TCF4: variants seen among roughly 807,000 people sequenced by gnomAD.
The protein encoded by TCF4 is transcription factor 4, also known as SL3-3 enhancer factor 2.
Under a neutral mutation model 82.1 loss-of-function variants are expected in TCF4, and 3 were observed. That is an observed-to-expected ratio of 0.04 (90% CI 0.02 to 0.09). The LOEUF (loss-of-function observed/expected upper bound fraction) is 0.09. TCF4 is among the 10% of genes least tolerant of loss of function. The pLI is 1.00. For synonymous variants in TCF4, 276 were observed against 309.6 expected, an observed-to-expected ratio of 0.89 and a Z score of 1.14; for missense variants, 518 against 852.7, an observed-to-expected ratio of 0.61 and a Z score of 4.89.
chr18:55,464,626 A>G (rs1027915886), intron 3 of TCF4, among the ~76,000 whole-genome samples: 6 of 152,218 alleles, frequency 3.9e-5, no homozygotes, highest in Admixed American at 2.0e-4. Context: ...TGAGACTGAG[A>G]AAGTATTCAG....
chr18:55,333,168 TCAA>T (rs1272123856), intron 8 of TCF4, among the ~76,000 whole-genome samples: 1 of 152,180 alleles, frequency 6.6e-6, no homozygotes, highest in Non-Finnish European at 1.5e-5. Context: ...CTCATTGATA[TCAA>T]AGAGACACCT....
chr18:55,376,386 T>C (rs2090755727), intron 6 of TCF4, among the ~76,000 whole-genome samples: 1 of 152,152 alleles, frequency 6.6e-6, no homozygotes, highest in African/African-American at 2.4e-5. Flanking sequence ...TTTATCACAG[T>C]GCATTTTGAG....
chr18:55,244,377 CA>C (rs2052370207), intron 15 of TCF4, among the ~76,000 whole-genome samples: 1 of 152,100 alleles, frequency 6.6e-6, no homozygotes. Flanking sequence ...TTCAAACACC[CA>C]AAGGAGACTA....
chr18:55,498,548 C>T (rs1321577449), intron 3 of TCF4, among the ~76,000 whole-genome samples: 1 of 152,180 alleles, frequency 6.6e-6, no homozygotes, highest in Non-Finnish European at 1.5e-5. Context: ...GGGTCTACCA[C>T]AAGACTTCGC....
intron 3 of TCF4, among the ~76,000 whole-genome samples, chr18:55,554,000 A>G (rs1277504260): frequency 1.3e-5 from 2 of 152,130 alleles, no homozygotes; most frequent in African/African-American, 2.4e-5. Flanking sequence ...GAAAATACAT[A>G]AAGAAAAATT....
rs555514297 is a variant in TCF4 at position 55,464,196 on chromosome 18, T to A, written c.146-59A>T. On this transcript the variant is annotated intron_variant, in intron 3 of 19. Coordinates refer to ENST00000354452, the MANE Select transcript of TCF4 (RefSeq NM_001083962.2). ...TGCAGTAATTTTTTCTTTTTGTATA[T>A]GCACTTTCAAATTAATGTTTCAAAT... 159 of 1,421,744 alleles carry A rather than the reference T, an allele frequency of 1.1e-4. No homozygotes were observed. The African/African-American group carries it at 2.1e-3, about 18-fold the overall frequency. The allele number at this position is 1,421,744 out of a possible 1,614,324, so 88.1% of individuals were successfully genotyped here.
chr18:55,480,088 C>A lies in TCF4; in HGVS notation c.146-15951G>T, dbSNP rs536898617. On this transcript the variant is annotated intron_variant, in intron 3 of 19. Transcript: ENST00000354452. The stretch of plus-strand genomic sequence containing the variant: ...ATTCATTATCCATTCTTTCTCTTAA[C>A]CATTACCTTTTGAATACCATGAGCT... Among the ~76,000 whole-genome samples, 9 of 152,134 alleles carry A rather than the reference C, an allele frequency of 5.9e-5. No individual in the cohort carries two copies. In the South Asian group the frequency reaches 1.9e-3, roughly 32 times the overall value.
At chr18:55,573,135 C>CAG (rs1399332711) in intron 3 of TCF4, among the ~76,000 whole-genome samples, 7 of 152,006 alleles carry the variant, frequency 4.6e-5, no homozygotes, top group African/African-American at 1.7e-4. Context: ...ATTGCAAACT[C>CAG]AATCTAACTT....
At chr18:55,286,738 C>T (rs2063774733) in intron 8 of TCF4, among the ~76,000 whole-genome samples, 1 of 152,160 alleles carries the variant, frequency 6.6e-6, no homozygotes, top group Non-Finnish European at 1.5e-5. Flanking sequence ...ATTCACCTCA[C>T]ATATTTTCAG....
intron 15 of TCF4, among the ~76,000 whole-genome samples, chr18:55,245,833 C>A (rs1423386708): frequency 6.6e-6 from 1 of 151,062 alleles, no homozygotes; most frequent in Non-Finnish European, 1.5e-5. Flanking sequence ...TATAGTTAGA[C>A]CCATATTTGT....
rs1055588578 is a variant in TCF4, at chr18:55,223,412, T to A, written c.*4623A>T. 6.6e-6 allele frequency: 1 copy of A among 152,648 alleles called. No homozygotes were observed. The highest frequency in any genetic ancestry group is 2.4e-5 in the African/African-American group (1 of 41,460). 9.5% of individuals were successfully genotyped at this position (152,648 alleles called of 1,614,324 possible). A position where few individuals can be genotyped will look rare whatever the true frequency, so the allele number is the denominator to read the frequency against. ...CTTACAGAAGAGAATCATAGCTATA[T>A]GGACAATGCAAAATGAAATGAAACA... On this transcript the variant is annotated 3_prime_UTR_variant, in exon 20 of 20. Coordinates refer to ENST00000354452, the MANE Select transcript of TCF4 (RefSeq NM_001083962.2).
Position 55,511,330 on chromosome 18 carries a change from T to A in TCF4, c.146-47193A>T, listed in dbSNP as rs8089806. 3.4e-3 allele frequency among the ~76,000 whole-genome samples: 249 copies of A among 73,010 alleles called. 18 individuals carry two copies. In the East Asian group the frequency reaches 0.093, roughly 27 times the overall value. 47.9% of individuals were successfully genotyped at this position (73,010 alleles called of 152,430 possible). On this transcript the variant is annotated intron_variant, in intron 3 of 19. Transcript: ENST00000354452. ...TAGGTAATAGAGTAATTCCAAAAGT[T>A]TAAAAAAAAAAAAAAAAAAAGCATT... is the stretch of plus-strand genomic sequence containing the variant.
chr18:55,516,010 T>C (rs747023755), intron 3 of TCF4, among the ~76,000 whole-genome samples: 2 of 152,122 alleles, frequency 1.3e-5, no homozygotes, highest in Non-Finnish European at 2.9e-5. Context: ...AATATAGACT[T>C]GATTAAAAAG....
intron 3 of TCF4, among the ~76,000 whole-genome samples, chr18:55,530,546 G>T (rs1459708002): frequency 8.6e-6 from 1 of 116,470 alleles, no homozygotes; most frequent in Non-Finnish European, 1.7e-5. Context: ...TGAAGGAGGG[G>T]AGGTGGCCCT....
intron 2 of TCF4, among the ~76,000 whole-genome samples, chr18:55,598,760 G>T (rs963327431): frequency 1.3e-5 from 2 of 152,190 alleles, no homozygotes; most frequent in Non-Finnish European, 2.9e-5. Context: ...ATTCAAACTG[G>T]CTTAAATGAT....
chr18:55,624,244 A>T (rs1420432866), intron 2 of TCF4, among the ~76,000 whole-genome samples: 1 of 151,932 alleles, frequency 6.6e-6, no homozygotes, highest in African/African-American at 2.4e-5. Context: ...TGTAGGCAGA[A>T]TTTTCACAGA....
chr18:55,597,373 C>G (rs533414327), intron 2 of TCF4, among the ~76,000 whole-genome samples: 1 of 152,126 alleles, frequency 6.6e-6, no homozygotes, highest in Non-Finnish European at 1.5e-5. Flanking sequence ...ATTTCAAACC[C>G]GAGAGCTGCT....
At chr18:55,393,359 G>A (rs994186522) in intron 6 of TCF4, among the ~76,000 whole-genome samples, 2 of 152,050 alleles carry the variant, frequency 1.3e-5, no homozygotes, top group Non-Finnish European at 2.9e-5. Flanking sequence ...GTGAGATCTC[G>A]TATCTATTAT....
Position 55,275,301 on chromosome 18 carries a change from A to G in TCF4, c.789+318T>C, listed in dbSNP as rs1033531941. Among the ~76,000 whole-genome samples the G allele has an allele frequency of 6.8e-5, 10 of 146,884 alleles. No individual in the cohort carries two copies. The South Asian group carries it at 1.9e-3, about 29-fold the overall frequency. On this transcript the variant is annotated intron_variant, in intron 10 of 19. Coordinates refer to ENST00000354452, the MANE Select transcript of TCF4 (RefSeq NM_001083962.2). The stretch of plus-strand genomic sequence containing the variant: ...AAAAAAAAAAAAAAAAAAAAAAACC[A>G]GGAACCACCATGTTAAGATTCTACA...
Sources: allele counts gnomAD v4.1 joint callset (sites outside exome capture counted in the v4.1 genomes callset), GRCh38; gene constraint gnomAD v4.1.1; transcripts MANE v1.5; gene names NCBI Gene and HGNC (gene_info 2026-07-23, HGNC 2026-07-21).